Variants in RBFOX1 observed in about 807,000 individuals in gnomAD.
The protein encoded by RBFOX1 is RNA binding protein fox-1 homolog 1.
Under a neutral mutation model 57.7 loss-of-function variants are expected in RBFOX1, and 8 were observed. The ratio of observed to expected loss-of-function variants is 0.14; its 90% CI spans 0.08 to 0.25. The LOEUF (loss-of-function observed/expected upper bound fraction) is 0.25, where lower values mean the gene tolerates loss of function less well. Ranked by LOEUF, RBFOX1 falls within the 10% of genes least tolerant of loss-of-function variation. RBFOX1 has a pLI of 1.00. For synonymous variants in RBFOX1, 326 were observed against 222.4 expected (o/e 1.47, Z -4.15); for missense variants, 611 against 548.5 (o/e 1.11, Z -1.14).
At chr16:6,132,381 T>C (rs1006752970) in intron 1 of RBFOX1, among the ~76,000 whole-genome samples, 1 of 152,226 alleles carries the variant, frequency 6.6e-6, no homozygotes, top group African/African-American at 2.4e-5. Context: ...TACCACAGCA[T>C]GTAGATACCA....
chr16:5,813,762 A>C (rs7198171), intron 3 of RBFOX1, among the ~76,000 whole-genome samples: 1 of 152,118 alleles, frequency 6.6e-6, no homozygotes, highest in Non-Finnish European at 1.5e-5. Context: ...CGTGCTTACT[A>C]TTTGTTAGCT....
At chr16:7,069,809 T>G (rs1359923950) in intron 4 of RBFOX1, among the ~76,000 whole-genome samples, 1 of 152,110 alleles carries the variant, frequency 6.6e-6, no homozygotes, top group Non-Finnish European at 1.5e-5. Flanking sequence ...AAAATTGTGT[T>G]CCTCCTATCC....
intron 4 of RBFOX1, among the ~76,000 whole-genome samples, chr16:7,174,583 T>C (rs1218082823): frequency 2.0e-5 from 3 of 152,204 alleles, no homozygotes; most frequent in Middle Eastern, 6.8e-3. Context: ...GAGTTTGAGA[T>C]TAACCTGGTG....
At chr16:6,594,333 T>C (rs929688691) in intron 2 of RBFOX1, among the ~76,000 whole-genome samples, 4 of 152,186 alleles carry the variant, frequency 2.6e-5, no homozygotes, top group Admixed American at 2.6e-4. Flanking sequence ...AGATCCCATA[T>C]TTAACCTATC....
intron 1 of RBFOX1, among the ~76,000 whole-genome samples, chr16:5,315,708 G>T (rs189552877): frequency 6.1e-4 from 93 of 152,300 alleles, no homozygotes; most frequent in African/African-American, 2.2e-3. Context: ...GTGCGTAAGA[G>T]CACCAGGAAG....
intron 4 of RBFOX1, among the ~76,000 whole-genome samples, chr16:7,054,545 T>TGCGG (rs1555823215): frequency 9.2e-6 from 1 of 108,404 alleles, no homozygotes. Flanking sequence ...CAAACCTGGG[T>TGCGG]GGGGGGGCAT....
At chr16:7,131,466 T>C (rs935983217) in intron 4 of RBFOX1, among the ~76,000 whole-genome samples, 6 of 149,988 alleles carry the variant, frequency 4.0e-5, no homozygotes, top group African/African-American at 1.5e-4. Context: ...CTCCGGTAGG[T>C]TTCATAATCT....
intron 1 of RBFOX1, among the ~76,000 whole-genome samples, chr16:5,431,430 A>C (rs1432275705): frequency 2.6e-5 from 4 of 152,046 alleles, no homozygotes; most frequent in African/African-American, 7.3e-5. Context: ...GCTGGAGTGC[A>C]GTGGCATGAT....
Position 5,946,635 on chromosome 16 carries a change from C to G in RBFOX1, c.351+79300C>G, listed in dbSNP as rs1028153407. ...AATTTCCTAAATTCTGTGAGCCGTGCTAGGCAACTATTGAACCAGAGAAGG... is the reference window on the plus strand; with the variant it reads ...AATTTCCTAAATTCTGTGAGCCGTGGTAGGCAACTATTGAACCAGAGAAGG... On this transcript the variant is annotated intron_variant, in intron 4 of 19. Coordinates refer to the RBFOX1 transcript ENST00000641259. The surrounding 1 kb of genome is among the most constrained non-coding windows in gnomAD (Gnocchi z 4.6). Among the ~76,000 whole-genome samples, 2 of 152,156 alleles carry G rather than the reference C, an allele frequency of 1.3e-5. No individual in the cohort carries two copies. The highest frequency in any genetic ancestry group is 4.8e-5 in the African/African-American group (2 of 41,444).
At chr16:7,664,183 C>T (rs1453775856) in intron 12 of RBFOX1, among the ~76,000 whole-genome samples, 2 of 152,214 alleles carry the variant, frequency 1.3e-5, no homozygotes, top group African/African-American at 4.8e-5. Flanking sequence ...TACATGTTTA[C>T]ATACGTGTAT....
chr16:7,428,368 T>G (rs1374749867), intron 4 of RBFOX1, among the ~76,000 whole-genome samples: 1 of 144,236 alleles, frequency 6.9e-6, no homozygotes, highest in South Asian at 2.3e-4. Flanking sequence ...GCTCTGTTGC[T>G]CAGGCTGGAG....
intron 11 of RBFOX1, among the ~76,000 whole-genome samples, chr16:7,645,741 T>C (rs2143936300): frequency 6.6e-6 from 1 of 152,350 alleles, no homozygotes; most frequent in Non-Finnish European, 1.5e-5. Flanking sequence ...AAACTGTTTG[T>C]CCAAAATGTA....
intron 4 of RBFOX1, among the ~76,000 whole-genome samples, chr16:7,404,517 A>G (rs2098301929): frequency 6.6e-6 from 1 of 152,274 alleles, no homozygotes; most frequent in African/African-American, 2.4e-5. Flanking sequence ...AATGACCTCC[A>G]TAGATAGGTG....
In RBFOX1 at chr16:7,109,070, T is replaced by G. The variant is rs751302746; in HGVS notation, c.27+56972T>G. On this transcript the variant is annotated intron_variant, in intron 4 of 15. Coordinates refer to ENST00000550418, the MANE Select transcript of RBFOX1 (RefSeq NM_018723.4). ...CAAGACACTGCTAACTTCTGAAAAT[T>G]TATTGATGAGCAGGGGAGTGAGGAT... is the stretch of plus-strand genomic sequence containing the variant. 1.1e-3 allele frequency among the ~76,000 whole-genome samples: 171 copies of G among 152,150 alleles called. 2 individuals are homozygous for G. The highest frequency in any genetic ancestry group is 3.7e-4 in the Non-Finnish European group (25 of 68,030).
intron 2 of RBFOX1, among the ~76,000 whole-genome samples, chr16:6,555,932 A>T (rs1485811998): frequency 1.3e-5 from 2 of 152,122 alleles, no homozygotes; most frequent in African/African-American, 4.8e-5. Flanking sequence ...CATTCGGAAT[A>T]TAGGAGGATC....
chr16:5,357,002 G>T (rs1341387810), intron 1 of RBFOX1, among the ~76,000 whole-genome samples: 1 of 152,200 alleles, frequency 6.6e-6, no homozygotes, highest in Admixed American at 6.5e-5. Flanking sequence ...TTTCCATCCA[G>T]TAGATAAGGA....
At chr16:7,295,570 A>T (rs1167811712) in intron 4 of RBFOX1, among the ~76,000 whole-genome samples, 1 of 152,152 alleles carries the variant, frequency 6.6e-6, no homozygotes, top group Non-Finnish European at 1.5e-5. Flanking sequence ...AAGAACTTGT[A>T]TGTCAGTAGA....
intron 3 of RBFOX1, among the ~76,000 whole-genome samples, chr16:6,942,355 A>T (rs7184946): frequency 0.51 from 77,989 of 151,826 alleles, 20,577 homozygotes; most frequent in East Asian, 0.67. Flanking sequence ...TTTTTTTGTG[A>T]CATTTTGTTG....
intron 3 of RBFOX1, among the ~76,000 whole-genome samples, chr16:5,843,602 C>T (rs901120887): frequency 3.3e-5 from 5 of 152,140 alleles, no homozygotes; most frequent in Non-Finnish European, 7.3e-5. Context: ...CATCTGTGTT[C>T]ACTGCAGCAC....
Sources: allele counts gnomAD v4.1 joint callset (sites outside exome capture counted in the v4.1 genomes callset), GRCh38; gene constraint gnomAD v4.1.1; non-coding constraint Gnocchi (gnomAD v3.1); transcripts MANE v1.5; gene names NCBI Gene and HGNC (gene_info 2026-07-23, HGNC 2026-07-21).